Variants in NSDHL observed in about 807,000 individuals in gnomAD.
NSDHL encodes sterol-4-alpha-carboxylate 3-dehydrogenase, decarboxylating.
A neutral mutation model predicts 23.0 loss-of-function variants in NSDHL; 1 was observed. The observed-to-expected ratio is 0.04, with a 90% CI of 0.02 to 0.21. The LOEUF (loss-of-function observed/expected upper bound fraction) is 0.21. Among genes scored for constraint, NSDHL ranks in the 10% least tolerant of loss-of-function variants. The probability of loss-of-function intolerance (pLI) is 1.00; values close to 1 mark genes in which losing one functional copy is unlikely to be tolerated. For synonymous variants in NSDHL, 128 were observed against 121.1 expected, an observed-to-expected ratio of 1.06 and a Z score of -0.37; for missense variants, 237 against 300.9, an observed-to-expected ratio of 0.79 and a Z score of 1.57.
intron 7 of NSDHL, among the ~76,000 whole-genome samples, chrX:152,867,941 C>T (rs893135046): frequency 3.8e-4 from 42 of 110,750 alleles, no homozygotes; most frequent in African/African-American, 1.4e-3. Context: ...GACCTGGCTG[C>T]CCACCTGTTG....
chrX:152,860,838 C>T (rs782728404), intron 4 of NSDHL, among the ~76,000 whole-genome samples: 2 of 112,542 alleles, frequency 1.8e-5, no homozygotes, highest in East Asian at 5.6e-4. Flanking sequence ...TGCCATTGCT[C>T]TCTTCTTGTA....
intron 4 of NSDHL, among the ~76,000 whole-genome samples, chrX:152,861,904 A>G (rs1180293661): frequency 1.8e-5 from 2 of 111,066 alleles, no homozygotes; most frequent in Non-Finnish European, 3.8e-5. Flanking sequence ...TTTTTCTCTC[A>G]TCTGTAAGCG....
intron 2 of NSDHL, 131 bp from the exon 3 acceptor site, chrX:152,850,134 C>T: frequency 1.5e-6 from 1 of 669,531 alleles, no homozygotes; most frequent in East Asian, 3.2e-5. Flanking sequence ...AAGCTTCCAA[C>T]TTGGCTCAAG....
At chrX:152,849,716 C>T (rs1296056240) in intron 2 of NSDHL, among the ~76,000 whole-genome samples, 6 of 112,487 alleles carry the variant, frequency 5.3e-5, no homozygotes, top group African/African-American at 1.3e-4. Context: ...AGGGGTTGGG[C>T]GATGAGCCCA....
At chrX:152,861,036 T>C (rs1556847472) in intron 4 of NSDHL, among the ~76,000 whole-genome samples, 1 of 112,752 alleles carries the variant, frequency 8.9e-6, no homozygotes, top group African/African-American at 3.2e-5. Flanking sequence ...AACTCTGGTT[T>C]ATTTACTGAA....
intron 1 of NSDHL, among the ~76,000 whole-genome samples, chrX:152,838,458 G>A (rs1277471883): frequency 7.2e-5 from 8 of 111,239 alleles, no homozygotes; most frequent in Non-Finnish European, 1.5e-4. Flanking sequence ...TTCCCTCTAC[G>A]CACTGCTTTA....
chrX:152,842,192 T>C (rs1260325787), intron 1 of NSDHL, among the ~76,000 whole-genome samples: 1 of 112,265 alleles, frequency 8.9e-6, no homozygotes, highest in Non-Finnish European at 1.9e-5. Context: ...AAATTTTTCT[T>C]CAAGTCCCTG....
rs1378339737 is a variant in NSDHL, at chrX:152,865,892, C to G, written c.617C>G (p.Pro206Arg). 4 of 1,210,931 alleles carry G rather than the reference C, an allele frequency of 3.3e-6. No individual in the cohort carries two copies. Among genetic ancestry groups the G allele is most frequent in the Non-Finnish European group, 3.4e-6 (3 of 895,179 alleles). The stretch of plus-strand genomic sequence containing the variant: ...ATCCGCCCTCATGGCATTTTCGGCC[C>G]AAGGGACCCGCAGTTGGTACCCATC... Reference protein sequence around the residue: ...TAIRPHGIFGPRDPQLVPILI... With the variant: ...TAIRPHGIFGRRDPQLVPILI... The change falls in exon 6 of 8, where the codon CCA becomes CGA. Residue 206 changes from proline to arginine, a missense_variant. Physicochemically the swap from Pro to Arg is moderately radical, Grantham distance 103 (BLOSUM62 -2). Transcript: ENST00000370274.
chrX:152,854,701 C>T (rs1168243804), intron 3 of NSDHL, among the ~76,000 whole-genome samples: 4 of 109,354 alleles, frequency 3.7e-5, no homozygotes, highest in African/African-American at 1.0e-4. Context: ...TGAGCCACTG[C>T]GCCCAGCCGA....
At chrX:152,868,403 G>A (rs1015994065) in intron 7 of NSDHL, among the ~76,000 whole-genome samples, 1 of 111,721 alleles carries the variant, frequency 9.0e-6, no homozygotes, top group Non-Finnish European at 1.9e-5. Flanking sequence ...AAAGTGCTGG[G>A]GTGACAGGCG....
At chrX:152,844,777 G>A (rs1420626329) in intron 1 of NSDHL, among the ~76,000 whole-genome samples, 3 of 112,283 alleles carry the variant, frequency 2.7e-5, no homozygotes, top group African/African-American at 3.2e-5. Flanking sequence ...CATGACCCCC[G>A]GCCGATATGT....
chrX:152,867,956 G>C (rs1308545635), intron 7 of NSDHL, among the ~76,000 whole-genome samples: 1 of 110,548 alleles, frequency 9.0e-6, no homozygotes, highest in Non-Finnish European at 1.9e-5. Context: ...CTGTTGGCAT[G>C]GCTCCTTGTG....
intron 6 of NSDHL, among the ~76,000 whole-genome samples, chrX:152,867,004 G>A (rs1569475202): frequency 8.9e-6 from 1 of 111,841 alleles, no homozygotes; most frequent in South Asian, 3.7e-4. Context: ...GAAGGCAGGC[G>A]GGGGCATTAC....
intron 1 of NSDHL, among the ~76,000 whole-genome samples, chrX:152,840,370 G>A (rs1202754289): frequency 6.2e-5 from 7 of 112,276 alleles, no homozygotes; most frequent in Non-Finnish European, 1.3e-4. Context: ...TGATCCTTTG[G>A]AGGAGAAGAG....
chrX:152,832,253 T>A (rs1214036391), intron 1 of NSDHL, among the ~76,000 whole-genome samples: 1 of 112,038 alleles, frequency 8.9e-6, no homozygotes, highest in Non-Finnish European at 1.9e-5. Context: ...CACCTTGCTC[T>A]ACTTTTTTTT....
chrX:152,832,919 G>A (rs782315179), intron 1 of NSDHL, among the ~76,000 whole-genome samples: 3 of 111,482 alleles, frequency 2.7e-5, no homozygotes, highest in Non-Finnish European at 5.6e-5. Context: ...TTTGAACCTT[G>A]TGAGTCCATT....
At chrX:152,858,648 A>G (rs1250793915) in intron 3 of NSDHL, 122 bp from the exon 4 acceptor site, 6 of 560,909 alleles carry the variant, frequency 1.1e-5, no homozygotes, top group Non-Finnish European at 1.5e-5. Flanking sequence ...ATGTATTTCC[A>G]TATTGATTAT....
intron 4 of NSDHL, among the ~76,000 whole-genome samples, chrX:152,860,912 G>T (rs1556847460): frequency 8.9e-6 from 1 of 111,903 alleles, no homozygotes; most frequent in African/African-American, 3.3e-5. Flanking sequence ...GCAATATAAA[G>T]TATTGGATTG....
chrX:152,863,748 G>A (rs1027894273), intron 5 of NSDHL, among the ~76,000 whole-genome samples: 1 of 111,167 alleles, frequency 9.0e-6, no homozygotes, highest in East Asian at 2.9e-4. Context: ...CTGAGCCTGG[G>A]ATAGCTCGTC....
Sources: allele counts gnomAD v4.1 joint callset (sites outside exome capture counted in the v4.1 genomes callset), GRCh38; gene constraint gnomAD v4.1.1; transcripts MANE v1.5; gene names NCBI Gene and HGNC (gene_info 2026-07-23, HGNC 2026-07-21).